Variants in NOTCH2 observed in about 807,000 individuals in gnomAD.
NOTCH2 encodes neurogenic locus notch homolog protein 2.
NOTCH2 carries 29 observed loss-of-function variants against 235.8 expected under a neutral mutation model. The observed-to-expected ratio is 0.12, with a 90% CI of 0.09 to 0.17. The LOEUF is 0.17. Ranked by LOEUF, NOTCH2 falls within the 10% of genes least tolerant of loss-of-function variation. NOTCH2 has a pLI of 1.00. For missense variants in NOTCH2, 2,285 were observed against 3,150.2 expected, an observed-to-expected ratio of 0.73 and a Z score of 6.57; for synonymous variants, 1,086 against 1,141.5, an observed-to-expected ratio of 0.95 and a Z score of 0.98.
chr1:119,953,889 TC>T (rs1650583355), intron 13 of NOTCH2, among the ~76,000 whole-genome samples: 1 of 152,206 alleles, frequency 6.6e-6, no homozygotes. Context: ...CTTGGTGCTT[TC>T]CTGGCTCACT....
rs747743815 is a variant in NOTCH2, at chr1:119,916,452, A to C, written c.6270T>G (p.Ser2090=). ...TTGGGGTGTGCTTCAGGCTGAGGAA[A>C]GATCTGTTGGGCCCACAGATGACAG... ...LSPVICGPNR[S]FLSLKHTPMG... is the part of the protein sequence containing the mutation. Residue 2090 remains serine (S), a synonymous_variant, in exon 34 of 34, where the codon TCT becomes TCG. Coordinates refer to ENST00000256646, the MANE Select transcript of NOTCH2 (RefSeq NM_024408.4). The C allele has an allele frequency of 3.1e-5, 50 of 1,613,448 alleles. No individual in the cohort carries two copies. The highest frequency in any genetic ancestry group is 3.3e-4 in the Middle Eastern group (2 of 6,084).
At chr1:119,966,141 C>T (rs1159185157) in intron 9 of NOTCH2, among the ~76,000 whole-genome samples, 1 of 152,088 alleles carries the variant, frequency 6.6e-6, no homozygotes, top group East Asian at 1.9e-4. Flanking sequence ...TATACACAGA[C>T]GAAGAGGTCA....
chr1:119,935,313 G>A, intron 22 of NOTCH2, 159 bp downstream of exon 22: 1 of 1,576,550 alleles, frequency 6.3e-7, no homozygotes, highest in South Asian at 1.2e-5. Context: ...CAAGAGATGG[G>A]AGAATAAAAT....
chr1:119,966,565 A>G (rs782039297), intron 8 of NOTCH2, 76 bp from the exon 9 acceptor site: 2 of 970,214 alleles, frequency 2.1e-6, no homozygotes, highest in Non-Finnish European at 3.4e-6. Context: ...CAAATTTGCA[A>G]TGATAACTAC....
At chr1:120,060,727 G>A (rs1247661876) in intron 1 of NOTCH2, among the ~76,000 whole-genome samples, 5 of 150,942 alleles carry the variant, frequency 3.3e-5, no homozygotes, top group Non-Finnish European at 5.9e-5. Flanking sequence ...CTGTTGCTAC[G>A]TAAACCTACC....
intron 7 of NOTCH2, 45 bp downstream of exon 7, chr1:119,968,032 G>A (rs1553199912): frequency 4.3e-6 from 7 of 1,609,214 alleles, no homozygotes; most frequent in Non-Finnish European, 6.0e-6. Flanking sequence ...CATTTGCTGA[G>A]CTCAACAGAC....
chr1:119,940,186 G>A (rs1247920080), intron 19 of NOTCH2, among the ~76,000 whole-genome samples: 1 of 152,150 alleles, frequency 6.6e-6, no homozygotes, highest in African/African-American at 2.4e-5. Flanking sequence ...TAAACACTTA[G>A]ATGTTGCATC....
intron 5 of NOTCH2, among the ~76,000 whole-genome samples, chr1:119,983,613 A>T (rs1316784995): frequency 6.6e-5 from 10 of 152,250 alleles, no homozygotes; most frequent in Admixed American, 6.5e-4. Context: ...GAACAAATGA[A>T]AAAATAAACT....
At chr1:120,027,756 T>C (rs376288943) in intron 2 of NOTCH2, among the ~76,000 whole-genome samples, 9,647 of 151,210 alleles carry the variant, frequency 0.064, 740 homozygotes, top group African/African-American at 0.22. Flanking sequence ...GTTAGTTTGC[T>C]GAGAATGATG....
chr1:119,966,988 A>C (rs1022076826), intron 8 of NOTCH2, among the ~76,000 whole-genome samples: 6 of 152,194 alleles, frequency 3.9e-5, no homozygotes, highest in Non-Finnish European at 8.8e-5. Flanking sequence ...AATTAAAGAC[A>C]TGGTCTATGC....
At position 119,916,034 on chromosome 1, in the gene NOTCH2, T is replaced by C; in HGVS notation, c.6688A>G (p.Ile2230Val). The C allele has an allele frequency of 1.2e-6, 2 of 1,613,638 alleles. No individual in the cohort carries two copies. The highest frequency in any genetic ancestry group is 3.3e-4 in the Middle Eastern group (2 of 6,062). Reference sequence around the variant, plus strand: ...GCACTGCCACTGCCTGGAGACACAATGTGGTGGTGGGATAGCAACTGGCTC... The same window carrying C: ...GCACTGCCACTGCCTGGAGACACAACGTGGTGGTGGGATAGCAACTGGCTC... ...SVSQLLSHHHIVSPGSGSAGS... is the reference protein window; with the variant it reads ...SVSQLLSHHHVVSPGSGSAGS... The change falls in exon 34 of 34, where the codon ATT (isoleucine) becomes GTT (valine). Residue 2230 changes from isoleucine to valine, a missense_variant. Ile to Val is a conservative substitution (Grantham distance 29, BLOSUM62 3). Coordinates refer to ENST00000256646, the MANE Select transcript of NOTCH2 (RefSeq NM_024408.4).
At chr1:119,989,231 C>T (rs1310529422) in intron 4 of NOTCH2, among the ~76,000 whole-genome samples, 3 of 152,118 alleles carry the variant, frequency 2.0e-5, no homozygotes, top group African/African-American at 4.8e-5. Context: ...AAAGATTAAA[C>T]GAATTAGATA....
chr1:120,038,945 G>C (rs587765999), intron 1 of NOTCH2, among the ~76,000 whole-genome samples: 1 of 152,078 alleles, frequency 6.6e-6, no homozygotes, highest in Non-Finnish European at 1.5e-5. Context: ...GCTGAAATAG[G>C]TTGAATGGAA....
In NOTCH2 at chr1:119,935,533, A is replaced by G. The variant is rs782178309; in HGVS notation, c.3594T>C (p.Asn1198=). 1.2e-6 allele frequency: 2 copies of G among 1,614,222 alleles called. No individual in the cohort carries two copies. The highest frequency in any genetic ancestry group is 1.1e-5 in the South Asian group (1 of 91,090). The change falls in exon 22 of 34, where the codon AAT becomes AAC. Residue 1198 remains asparagine, a synonymous_variant. Coordinates refer to ENST00000256646, the MANE Select transcript of NOTCH2 (RefSeq NM_024408.4). ...TCACAAGGTCAATACAGGTGCCTCC[A>G]TTCTGGCAGGGCTGATTCTGGCACT... is the stretch of plus-strand genomic sequence containing the variant. ...VDECQNQPCQ[N]GGTCIDLVNH...
At chr1:120,018,132 T>C (rs1255519038) in intron 2 of NOTCH2, among the ~76,000 whole-genome samples, 2 of 148,352 alleles carry the variant, frequency 1.3e-5, no homozygotes, top group East Asian at 4.2e-4. Context: ...TAAAAGGATT[T>C]TCCTAGATCA....
At chr1:119,932,940 T>C (rs1553195349) in intron 22 of NOTCH2, among the ~76,000 whole-genome samples, 2 of 152,358 alleles carry the variant, frequency 1.3e-5, no homozygotes, top group South Asian at 2.1e-4. Flanking sequence ...GTATTTTCAC[T>C]GTATACTTTT....
intron 17 of NOTCH2, among the ~76,000 whole-genome samples, chr1:119,944,433 G>A (rs1443005728): frequency 1.3e-5 from 2 of 151,808 alleles, no homozygotes; most frequent in Non-Finnish European, 2.9e-5. Flanking sequence ...TACTTGGCAG[G>A]CTGAGGCAGA....
intron 26 of NOTCH2, 109 bp from the exon 27 acceptor site, chr1:119,922,887 C>T (rs1298160385): frequency 2.9e-6 from 4 of 1,378,084 alleles, no homozygotes; most frequent in Non-Finnish European, 4.1e-6. Flanking sequence ...CCTTCCTCCC[C>T]TTCAGCATCA....
intron 5 of NOTCH2, among the ~76,000 whole-genome samples, chr1:119,980,920 CT>C (rs1275281918): frequency 6.6e-6 from 1 of 152,172 alleles, no homozygotes; most frequent in Non-Finnish European, 1.5e-5. Flanking sequence ...CAAACCTCCC[CT>C]TTTCTCACTT....
Sources: gnomAD v4.1 joint callset for allele counts (sites outside exome capture counted in the v4.1 genomes callset) on GRCh38, gnomAD v4.1.1 for gene constraint, MANE v1.5 for transcripts, NCBI Gene and HGNC (gene_info 2026-07-23, HGNC 2026-07-21) for gene names.